NECAP2: variants seen among roughly 807,000 people sequenced by gnomAD.
The protein encoded by NECAP2 is adaptin ear-binding coat-associated protein 2.
A neutral mutation model predicts 37.8 loss-of-function variants in NECAP2; 38 were observed. That is an observed-to-expected ratio of 1.01 (90% CI 0.78 to 1.32). The LOEUF (loss-of-function observed/expected upper bound fraction) is 1.32, where lower values mean the gene tolerates loss of function less well. Ranked by LOEUF, NECAP2 falls within the 40% of genes most tolerant of loss-of-function variation. The pLI is 0.00. For missense variants in NECAP2, 316 were observed against 334.5 expected, an observed-to-expected ratio of 0.94 and a Z score of 0.43; for synonymous variants, 121 against 127.7, an observed-to-expected ratio of 0.95 and a Z score of 0.35.
In NECAP2 at chr1:16,448,103, T is replaced by C. The variant is rs770548723; in HGVS notation, c.342T>C (p.Asp114=). The C allele has an allele frequency of 6.2e-7, 1 of 1,614,188 alleles. No homozygotes were observed. Among genetic ancestry groups the C allele is most frequent in the East Asian group, 2.2e-5 (1 of 44,884 alleles). ...GAATTGGCTTCGGGGACCGAGGTGA[T>C]GCCTTTGACTTCAATGTTGCATTGC... ...FIGIGFGDRG[D]AFDFNVALQD... The change falls in exon 4 of 8, where the codon GAT becomes GAC. Residue 114 remains aspartate (D), a synonymous_variant. Coordinates refer to ENST00000337132, the MANE Select transcript of NECAP2 (RefSeq NM_018090.5).
intron 6 of NECAP2, 167 bp from the exon 7 acceptor site, chr1:16,455,651 G>T: frequency 1.6e-6 from 1 of 611,494 alleles, no homozygotes; most frequent in Non-Finnish European, 3.0e-6. Context: ...TGGCAACTCA[G>T]GGTGTTTGGT....
At position 16,449,079 on chromosome 1, in the gene NECAP2, T is replaced by C; in HGVS notation, c.381-14T>C. The C allele has an allele frequency of 6.3e-7, 1 of 1,593,450 alleles. No individual in the cohort carries two copies. Among genetic ancestry groups the C allele is most frequent in the Non-Finnish European group, 8.6e-7 (1 of 1,165,042 alleles). On this transcript the variant is annotated splice_polypyrimidine_tract_variant and intron_variant, in intron 4 of 7. Coordinates refer to ENST00000337132, the MANE Select transcript of NECAP2 (RefSeq NM_018090.5). ...TCTTCCTTCCTCACCTTTTTCCTCA[T>C]GTTCTCTCCCCAGGTGGGTGAAACA...
intron 2 of NECAP2, among the ~76,000 whole-genome samples, chr1:16,445,466 CAG>C (rs1341215508): frequency 6.6e-6 from 1 of 152,178 alleles, no homozygotes; most frequent in African/African-American, 2.4e-5. Context: ...CTCTTGGGGA[CAG>C]GGGAGCAAAA....
chr1:16,448,165 G>T, intron 4 of NECAP2, 24 bp downstream of exon 4: 1 of 1,582,032 alleles, frequency 6.3e-7, no homozygotes, highest in Non-Finnish European at 8.7e-7. Flanking sequence ...GGAGACACAC[G>T]CTCATGCCCC....
chr1:16,445,195 C>T (rs1557685867), intron 2 of NECAP2, among the ~76,000 whole-genome samples: 2 of 152,248 alleles, frequency 1.3e-5, no homozygotes, highest in South Asian at 4.1e-4. Flanking sequence ...GTGGGACCCA[C>T]CCCAAGGTGC....
chr1:16,451,731 C>T, intron 5 of NECAP2, 107 bp from the exon 6 acceptor site: 1 of 1,134,142 alleles, frequency 8.8e-7, no homozygotes. Context: ...CTTTTGGTTA[C>T]ACAGATGTTG....
At chr1:16,458,041 AGTCAAAT>A (rs1305337997) in intron 7 of NECAP2, among the ~76,000 whole-genome samples, 1 of 152,130 alleles carries the variant, frequency 6.6e-6, no homozygotes, top group Non-Finnish European at 1.5e-5. Flanking sequence ...TTACTGAAAA[AGTCAAAT>A]CCTAGAAAAC....
intron 2 of NECAP2, among the ~76,000 whole-genome samples, chr1:16,445,772 T>A (rs929789039): frequency 6.6e-6 from 1 of 152,040 alleles, no homozygotes; most frequent in African/African-American, 2.4e-5. Flanking sequence ...GGCGTGGTGG[T>A]GCACACCTGT....
Position 16,449,094 on chromosome 1 carries a change from T to A in NECAP2, c.382T>A (p.Trp128Arg). ...TTTTTCCTCATGTTCTCTCCCCAGG[T>A]GGGTGAAACAGCAGTGTGAATTTGC... ...FNVALQDHFK[W>R]VKQQCEFAKQ... The change falls in exon 5 of 8, where the codon TGG becomes AGG. Residue 128 changes from tryptophan (W) to arginine (R), a missense_variant and splice_region_variant. By Grantham distance (101) the Trp-to-Arg change is moderately radical. This residue lies in a region of NECAP2 where 204 missense variants were observed against 188.6 expected (regional missense o/e 1.08). Transcript: ENST00000337132. 6.2e-7 allele frequency: 1 copy of A among 1,609,944 alleles called. No individual in the cohort carries two copies. The highest frequency in any genetic ancestry group is 8.5e-7 in the Non-Finnish European group (1 of 1,177,464).
Position 16,450,096 on chromosome 1 carries a change from G to A in NECAP2, c.489+895G>A, listed in dbSNP as rs978061132. The A allele has an allele frequency of 2.8e-5, 12 of 432,250 alleles. No individual in the cohort carries two copies. The East Asian group carries it at 5.0e-4, about 18-fold the overall frequency. The allele number at this position is 432,250 out of a possible 1,614,324, so 26.8% of individuals were successfully genotyped here. On this transcript the variant is annotated intron_variant, in intron 5 of 7. Transcript: ENST00000337132. ...TACTCTTTCTCCTCTTTTCTGCTTC[G>A]TGCTGGTGATGATTTGGGATCCTTG...
intron 1 of NECAP2, among the ~76,000 whole-genome samples, chr1:16,442,759 A>G (rs969006946): frequency 3.9e-5 from 6 of 152,016 alleles, no homozygotes; most frequent in African/African-American, 1.4e-4. Context: ...CCCTATCTCT[A>G]TAATTTTTTT....
chr1:16,453,109 C>CTT (rs977932724), intron 6 of NECAP2, among the ~76,000 whole-genome samples: 2 of 141,556 alleles, frequency 1.4e-5, no homozygotes, highest in Non-Finnish European at 3.1e-5. Context: ...ATTCTTGTGT[C>CTT]TTTTTTTTTT....
At chr1:16,448,178 C>A (rs1412115886) in intron 4 of NECAP2, 37 bp downstream of exon 4, 1 of 1,561,390 alleles carries the variant, frequency 6.4e-7, no homozygotes, top group South Asian at 1.1e-5. Context: ...CATGCCCCTC[C>A]CTTCTTTCCC....
intron 2 of NECAP2, among the ~76,000 whole-genome samples, chr1:16,446,511 G>T (rs1300249065): frequency 1.3e-5 from 2 of 152,036 alleles, no homozygotes; most frequent in Non-Finnish European, 2.9e-5. Flanking sequence ...GTGAGCTATG[G>T]TGCACTGCAC....
chr1:16,443,303 G>C (rs2086715162), intron 1 of NECAP2, among the ~76,000 whole-genome samples: 1 of 152,244 alleles, frequency 6.6e-6, no homozygotes, highest in Non-Finnish European at 1.5e-5. Flanking sequence ...AATTTTTAAA[G>C]GAGAGTATTT....
intron 6 of NECAP2, among the ~76,000 whole-genome samples, chr1:16,452,787 C>CGCCCA (rs1362075835): frequency 9.7e-4 from 148 of 152,162 alleles, no homozygotes; most frequent in Middle Eastern, 6.8e-3. Flanking sequence ...CCCGCCGCCC[C>CGCCCA]GCCCAGCCCA....
At position 16,458,849 on chromosome 1, in the gene NECAP2, TCCAGCCAGAC is replaced by T; in HGVS notation, c.760_769del (p.Thr254AlafsTer43). On this transcript the variant is annotated frameshift_variant, in exon 8 of 8. Transcript: ENST00000337132. LOFTEE classifies it high-confidence loss of function. ...CCTGTCTTCTCTTTACAGATCAACT[TCCAGCCAGAC>T]CCAGCCAGGCACAGGCTGGGTCCAG... 6.2e-7 allele frequency: 1 copy of T among 1,613,358 alleles called. No homozygotes were observed.
At chr1:16,454,349 G>A (rs186701503) in intron 6 of NECAP2, among the ~76,000 whole-genome samples, 8 of 141,750 alleles carry the variant, frequency 5.6e-5, no homozygotes, top group African/African-American at 1.1e-4. Flanking sequence ...ATGAGCCACC[G>A]CACCTCGCCT....
Position 16,447,834 on chromosome 1 carries a change from T to C in NECAP2, c.194-36T>C, listed in dbSNP as rs781423694. 6 of 1,577,290 alleles carry C rather than the reference T, an allele frequency of 3.8e-6. 1 individual carries two copies. Among genetic ancestry groups the C allele is most frequent in the South Asian group, 2.2e-5 (2 of 90,392 alleles). ...TAGAAAACCTTGGCTGGAAGGGGGC[T>C]CAGGGCTCAGCGCTCAGCCTAACCT... On this transcript the variant is annotated intron_variant, in intron 2 of 7. Transcript: ENST00000337132.
Sources: allele counts gnomAD v4.1 joint callset (sites outside exome capture counted in the v4.1 genomes callset), GRCh38; gene constraint gnomAD v4.1.1; regional missense constraint gnomAD v4.1.1; transcripts MANE v1.5; gene names NCBI Gene and HGNC (gene_info 2026-07-23, HGNC 2026-07-21).